The following CTNNA1 variants were observed in gnomAD, a reference collection of about 807,000 sequenced individuals.
CTNNA1 encodes the protein catenin alpha-1.
A neutral mutation model predicts 98.4 loss-of-function variants in CTNNA1; 37 were observed. That is an observed-to-expected ratio of 0.38 (90% CI 0.29 to 0.49). The LOEUF (loss-of-function observed/expected upper bound fraction) is 0.49, where lower values mean the gene tolerates loss of function less well. Among genes scored for constraint, CTNNA1 ranks in the 20% least tolerant of loss-of-function variants. The pLI is 0.95. For missense variants in CTNNA1, 761 were observed against 1,147.2 expected, an observed-to-expected ratio of 0.66 and a Z score of 4.86; for synonymous variants, 404 against 413.2, an observed-to-expected ratio of 0.98 and a Z score of 0.27.
intron 7 of CTNNA1, among the ~76,000 whole-genome samples, chr5:138,831,670 G>A (rs1462101906): frequency 2.0e-5 from 3 of 151,930 alleles, no homozygotes; most frequent in Non-Finnish European, 4.4e-5. Flanking sequence ...TATTTCTTTG[G>A]TGCTTGAAGT....
intron 1 of CTNNA1, among the ~76,000 whole-genome samples, chr5:138,771,120 G>T (rs549067868): frequency 1.4e-4 from 22 of 151,878 alleles, no homozygotes; most frequent in South Asian, 6.2e-4. Context: ...TGAAGGCAGG[G>T]TTCTTTTTTT....
intron 1 of CTNNA1, among the ~76,000 whole-genome samples, chr5:138,759,152 A>T (rs1024126122): frequency 5.3e-5 from 8 of 152,098 alleles, no homozygotes; most frequent in Non-Finnish European, 1.2e-4. Context: ...AATGGGTCAT[A>T]CTTTCCTGTA....
chr5:138,929,497 T>A, intron 14 of CTNNA1, 141 bp downstream of exon 14: 1 of 605,824 alleles, frequency 1.7e-6, no homozygotes, highest in East Asian at 2.8e-5. Flanking sequence ...GAAGTTAAAC[T>A]AAGTTGTGGC....
intron 9 of CTNNA1, among the ~76,000 whole-genome samples, chr5:138,903,339 C>G (rs1758500421): frequency 6.6e-6 from 1 of 152,092 alleles, no homozygotes; most frequent in Non-Finnish European, 1.5e-5. Flanking sequence ...AAGGTTATTG[C>G]CATTGCCCTT....
intron 7 of CTNNA1, among the ~76,000 whole-genome samples, chr5:138,830,166 CA>C (rs113554684): frequency 0.67 from 91,442 of 135,552 alleles, 30,496 homozygotes; most frequent in East Asian, 0.93. Context: ...GACTCCATCT[CA>C]AAAAAAAAAA....
Position 138,773,329 on chromosome 5 carries a change from T to G in CTNNA1, c.-2-8594T>G, listed in dbSNP as rs144217623. 7.2e-4 allele frequency among the ~76,000 whole-genome samples: 110 copies of G among 152,320 alleles called. 1 individual carries two copies. Among genetic ancestry groups the G allele is most frequent in the African/African-American group, 2.6e-3 (107 of 41,578 alleles). On this transcript the variant is annotated intron_variant, in intron 1 of 17. Transcript: ENST00000302763. ...GTAGGATCTTTAGAGTGCCTTTCTG[T>G]CATGACGGCATTTGAGCTGAAATCT...
intron 10 of CTNNA1, among the ~76,000 whole-genome samples, chr5:138,917,346 A>G (rs1304123661): frequency 6.6e-6 from 1 of 152,250 alleles, no homozygotes. Context: ...TGTTTTAAAC[A>G]TATATTTAAT....
chr5:138,917,719 G>A lies in CTNNA1; in HGVS notation c.1390-23G>A, dbSNP rs1762085529. 2.5e-6 allele frequency: 4 copies of A among 1,610,988 alleles called. No individual in the cohort carries two copies. In the South Asian group the frequency reaches 3.3e-5, roughly 13 times the overall value. ...CCATGACTCTGAAAAAGAGTAAACA[G>A]TGAAGTTTAATATCTTTTGCAGGTT... On this transcript the variant is annotated intron_variant, in intron 10 of 17. Transcript: ENST00000302763.
At chr5:138,828,969 C>G (rs1361573873) in intron 7 of CTNNA1, among the ~76,000 whole-genome samples, 2 of 152,070 alleles carry the variant, frequency 1.3e-5, no homozygotes, top group East Asian at 1.9e-4. Flanking sequence ...ACAAAAAATA[C>G]AAAAGTTAAC....
At position 138,873,295 on chromosome 5, in the gene CTNNA1, C is replaced by A. The variant is rs770258740; in HGVS notation, c.1063-12917C>A. The A allele has an allele frequency of 2.5e-6, 4 of 1,614,032 alleles. No individual in the cohort carries two copies. Among genetic ancestry groups the A allele is most frequent in the Non-Finnish European group, 3.4e-6 (4 of 1,179,888 alleles). The stretch of plus-strand genomic sequence containing the variant: ...ATAAAGCCATTGTTCCCGTAATTAC[C>A]CGCTGAGTGAAGATGGCATTGTCTG... On this transcript the variant is annotated intron_variant, in intron 7 of 17. Coordinates refer to ENST00000302763, the MANE Select transcript of CTNNA1 (RefSeq NM_001903.5). The surrounding 1 kb of genome is among the most constrained non-coding windows in gnomAD (Gnocchi z 6.1).
In CTNNA1 at chr5:138,929,211, A is replaced by T. The variant is rs1047834762; in HGVS notation, c.1900-35A>T. 7 of 1,164,302 alleles carry T rather than the reference A, an allele frequency of 6.0e-6. No individual in the cohort carries two copies. In the African/African-American group the frequency reaches 9.0e-5, roughly 15 times the overall value. The allele number at this position is 1,164,302 out of a possible 1,614,324, so 72.1% of individuals were successfully genotyped here. A position where few individuals can be genotyped will look rare whatever the true frequency, so the allele number is the denominator to read the frequency against. On this transcript the variant is annotated intron_variant, in intron 13 of 17. Coordinates refer to ENST00000302763, the MANE Select transcript of CTNNA1 (RefSeq NM_001903.5). The stretch of plus-strand genomic sequence containing the variant: ...GTGGCTGGGGGCTGGTGGCCCAGAG[A>T]TGTGTCTGACCTGTGATCTTTGTCT...
chr5:138,792,567 G>A (rs1201925091), intron 3 of CTNNA1, among the ~76,000 whole-genome samples: 1 of 152,206 alleles, frequency 6.6e-6, no homozygotes, highest in Non-Finnish European at 1.5e-5. Context: ...ATGATGTGAA[G>A]ACTTAAAACA....
chr5:138,819,777 C>T (rs1298184065), intron 5 of CTNNA1, among the ~76,000 whole-genome samples: 1 of 151,014 alleles, frequency 6.6e-6, no homozygotes, highest in Admixed American at 6.6e-5. Flanking sequence ...GGATTTGTGT[C>T]CCCCCCCAAA....
At position 138,930,508 on chromosome 5, in the gene CTNNA1, G is replaced by A. The variant is rs1466157213; in HGVS notation, c.2046G>A (p.Ala682=). ...IMAQLPQEQK[A]KIAEQVASFQ... ...CTCAGCTTCCCCAGGAGCAAAAAGC[G>A]AAGATTGCGGAACAGGTGGCCAGCT... The change falls in exon 15 of 18, where the codon GCG becomes GCA. Residue 682 remains alanine (A), a synonymous_variant. Coordinates refer to ENST00000302763, the MANE Select transcript of CTNNA1 (RefSeq NM_001903.5). 1.9e-6 allele frequency: 3 copies of A among 1,613,744 alleles called. No homozygotes were observed. Among genetic ancestry groups the A allele is most frequent in the African/African-American group, 1.3e-5 (1 of 74,894 alleles).
intron 16 of CTNNA1, 113 bp downstream of exon 16, chr5:138,931,048 C>G (rs765828819): frequency 1.6e-5 from 11 of 685,916 alleles, no homozygotes; most frequent in Non-Finnish European, 3.0e-5. Context: ...CCACTCATCT[C>G]TAAAAATGGT....
chr5:138,756,546 A>T (rs1171843266), intron 1 of CTNNA1, among the ~76,000 whole-genome samples: 1 of 152,146 alleles, frequency 6.6e-6, no homozygotes, highest in Admixed American at 6.5e-5. Flanking sequence ...GCTGGTGAGA[A>T]TATGGAGAGA....
At chr5:138,909,960 A>C (rs983895833) in intron 10 of CTNNA1, among the ~76,000 whole-genome samples, 1 of 152,214 alleles carries the variant, frequency 6.6e-6, no homozygotes, top group African/African-American at 2.4e-5. Context: ...TCTGTCTTTG[A>C]ATCGCTTCAC....
Position 138,934,226 on chromosome 5 carries a change from G to T in CTNNA1, c.*137G>T. 1 of 642,702 alleles carries T rather than the reference G, an allele frequency of 1.6e-6. No individual in the cohort carries two copies. The highest frequency in any genetic ancestry group is 2.6e-6 in the Non-Finnish European group (1 of 381,388). The allele number at this position is 642,702 out of a possible 1,614,324, so 39.8% of individuals were successfully genotyped here. On this transcript the variant is annotated 3_prime_UTR_variant, in exon 18 of 18. Transcript: ENST00000302763. Reference sequence around the variant, plus strand: ...TGGGCAGACTGAACCAGTCCAGGTGGTGAATTTTCCAAGAACATAGTTTAA... The same window carrying T: ...TGGGCAGACTGAACCAGTCCAGGTGTTGAATTTTCCAAGAACATAGTTTAA...
rs543079325 is a variant in CTNNA1 at position 138,892,433 on chromosome 5, A to G, written c.1296+4791A>G. Among the ~76,000 whole-genome samples the G allele has an allele frequency of 2.3e-5, 3 of 130,202 alleles. No homozygotes were observed. The East Asian group carries it at 8.0e-4, about 35-fold the overall frequency. 85.4% of individuals were successfully genotyped at this position (130,202 alleles called of 152,430 possible). ...TGGCTCACTGCAACCTCTGCCTCCC[A>G]GTTTCAAGCGATTCTCTGCCTCAGC... On this transcript the variant is annotated intron_variant, in intron 9 of 17. Transcript: ENST00000302763.
Sources: gnomAD v4.1 joint callset for allele counts (sites outside exome capture counted in the v4.1 genomes callset) on GRCh38, gnomAD v4.1.1 for gene constraint, Gnocchi (gnomAD v3.1) non-coding constraint, MANE v1.5 for transcripts, NCBI Gene and HGNC (gene_info 2026-07-23, HGNC 2026-07-21) for gene names.